CHN2: variants seen among roughly 807,000 people sequenced by gnomAD.
CHN2 encodes beta-chimaerin.
Under a neutral mutation model 56.3 loss-of-function variants are expected in CHN2, and 35 were observed. That is an observed-to-expected ratio of 0.62 (90% CI 0.47 to 0.82). CHN2 has a LOEUF of 0.82. Ranked by LOEUF, CHN2 falls within the 40% of genes least tolerant of loss-of-function variation. CHN2 has a pLI of 0.00. For synonymous variants in CHN2, 210 were observed against 212.8 expected (o/e 0.99, Z 0.12); for missense variants, 491 against 580.5 (o/e 0.85, Z 1.58).
chr7:29,370,199 A>T (rs1799497898), intron 3 of CHN2, among the ~76,000 whole-genome samples: 1 of 152,166 alleles, frequency 6.6e-6, no homozygotes, highest in Admixed American at 6.5e-5. Flanking sequence ...CAAGCCTCCC[A>T]GGAGTTGGCC....
intron 1 of CHN2, among the ~76,000 whole-genome samples, chr7:29,289,669 A>C (rs987606311): frequency 6.6e-6 from 1 of 152,208 alleles, no homozygotes; most frequent in Admixed American, 6.5e-5. Context: ...ACTATTTTCA[A>C]AGACAAATAT....
intron 6 of CHN2, 134 bp downstream of exon 6, chr7:29,400,962 C>A (rs748122118): frequency 2.7e-5 from 23 of 839,622 alleles, no homozygotes; most frequent in Non-Finnish European, 3.3e-5. Flanking sequence ...AATGTTAGGG[C>A]CAAAGGGACC....
intron 6 of CHN2, among the ~76,000 whole-genome samples, chr7:29,451,775 G>A (rs976258455): frequency 1.3e-5 from 2 of 152,126 alleles, no homozygotes; most frequent in African/African-American, 2.4e-5. Context: ...GGCACTCTGT[G>A]ATTAGCCCCC....
chr7:29,316,721 A>ATT (rs5883202), intron 1 of CHN2, among the ~76,000 whole-genome samples: 210 of 150,444 alleles, frequency 1.4e-3, no homozygotes, highest in African/African-American at 4.6e-3. Context: ...AAGATGTGTG[A>ATT]TTTTTTTTTT....
intron 3 of CHN2, among the ~76,000 whole-genome samples, chr7:29,383,722 A>G (rs115116074): frequency 6.6e-6 from 1 of 152,242 alleles, no homozygotes; most frequent in African/African-American, 2.4e-5. Context: ...GGGAGTTACC[A>G]CTTTTAAGGA....
Position 29,433,725 on chromosome 7 carries a change from G to A in CHN2, c.576+32897G>A, listed in dbSNP as rs920150905. Among the ~76,000 whole-genome samples, 8 of 152,194 alleles carry A rather than the reference G, an allele frequency of 5.3e-5. No individual in the cohort carries two copies. The East Asian group carries it at 1.5e-3, about 29-fold the overall frequency. On this transcript the variant is annotated intron_variant, in intron 6 of 12. Transcript: ENST00000222792. ...GTGGTGGCACATGCCTGTAATCCCT[G>A]CTAGTCGGGAGGCTGAGGCAGGAGG... is the stretch of plus-strand genomic sequence containing the variant.
intron 3 of CHN2, among the ~76,000 whole-genome samples, chr7:29,372,878 T>A (rs1703815728): frequency 6.6e-6 from 1 of 152,236 alleles, no homozygotes; most frequent in Non-Finnish European, 1.5e-5. Flanking sequence ...CTACACTAAA[T>A]AAGCAGAAGT....
chr7:29,317,552 T>C (rs1795044889), intron 1 of CHN2, among the ~76,000 whole-genome samples: 1 of 152,228 alleles, frequency 6.6e-6, no homozygotes, highest in East Asian at 1.9e-4. Context: ...GTGATATACA[T>C]GCATATCGAA....
intron 1 of CHN2, among the ~76,000 whole-genome samples, chr7:29,353,274 T>C (rs1798022814): frequency 6.6e-6 from 1 of 152,202 alleles, no homozygotes; most frequent in Non-Finnish European, 1.5e-5. Flanking sequence ...AAAACCACCC[T>C]TGAGTTAGTT....
intron 7 of CHN2, among the ~76,000 whole-genome samples, chr7:29,488,005 C>T (rs1430476728): frequency 6.6e-6 from 1 of 152,196 alleles, no homozygotes; most frequent in Non-Finnish European, 1.5e-5. Context: ...TTACTTTATG[C>T]AGTGGGGAGA....
chr7:29,431,001 GC>G (rs1438180931), intron 6 of CHN2, among the ~76,000 whole-genome samples: 1 of 152,112 alleles, frequency 6.6e-6, no homozygotes, highest in Non-Finnish European at 1.5e-5. Context: ...TGCTGCCTAA[GC>G]CTAGTCAGGG....
chr7:29,294,602 G>A (rs973619038), intron 1 of CHN2, among the ~76,000 whole-genome samples: 4 of 152,180 alleles, frequency 2.6e-5, no homozygotes, highest in Admixed American at 6.5e-5. Context: ...AAGTCAGCAC[G>A]TTTGATTCAG....
At chr7:29,197,523 G>A (rs898615349) in intron 1 of CHN2, among the ~76,000 whole-genome samples, 8 of 152,200 alleles carry the variant, frequency 5.3e-5, no homozygotes, top group African/African-American at 1.9e-4. Context: ...TTTAATAAAT[G>A]CTTAATGTGA....
chr7:29,242,181 G>A (rs181315935), intron 1 of CHN2, among the ~76,000 whole-genome samples: 105 of 152,256 alleles, frequency 6.9e-4, no homozygotes, highest in African/African-American at 2.4e-3. Flanking sequence ...ACAGAAACAG[G>A]CATGGAACCT....
Position 29,320,907 on chromosome 7 carries a change from G to C in CHN2, c.50-33718G>C, listed in dbSNP as rs531880689. 6.6e-5 allele frequency among the ~76,000 whole-genome samples: 10 copies of C among 152,280 alleles called. No individual in the cohort carries two copies. In the East Asian group the frequency reaches 1.9e-3, roughly 29 times the overall value. Reference sequence around the variant, plus strand: ...ATAGAGACCACATGGGTCCCATCTCGATTTATTCTCAGGCACCAGAATCTG... The same window carrying C: ...ATAGAGACCACATGGGTCCCATCTCCATTTATTCTCAGGCACCAGAATCTG... On this transcript the variant is annotated intron_variant, in intron 1 of 12. Transcript: ENST00000222792.
intron 1 of CHN2, among the ~76,000 whole-genome samples, chr7:29,218,453 GT>G (rs1365417933): frequency 1.3e-5 from 2 of 152,064 alleles, no homozygotes; most frequent in Non-Finnish European, 2.9e-5. Flanking sequence ...CCATTACTGG[GT>G]ATATACCCAA....
chr7:29,357,529 G>T (rs111964872), intron 2 of CHN2, among the ~76,000 whole-genome samples: 6,867 of 152,286 alleles, frequency 0.045, 189 homozygotes, highest in African/African-American at 0.07. Flanking sequence ...AAATGTCAGA[G>T]AATAAGTGTT....
chr7:29,481,658 G>GTTTTT (rs5883215), intron 7 of CHN2, among the ~76,000 whole-genome samples: 1 of 130,854 alleles, frequency 7.6e-6, no homozygotes, highest in South Asian at 2.6e-4. Flanking sequence ...AATGCCTCCC[G>GTTTTT]TTTTTTTTTT....
intron 7 of CHN2, among the ~76,000 whole-genome samples, chr7:29,492,033 A>T (rs1417882532): frequency 6.6e-6 from 1 of 152,210 alleles, no homozygotes; most frequent in African/African-American, 2.4e-5. Flanking sequence ...TCACTGAAGT[A>T]TATCCTTTAG....
Sources: allele counts gnomAD v4.1 joint callset (sites outside exome capture counted in the v4.1 genomes callset), GRCh38; gene constraint gnomAD v4.1.1; transcripts MANE v1.5; gene names NCBI Gene and HGNC (gene_info 2026-07-23, HGNC 2026-07-21).